The following HECTD4 variants were observed in gnomAD, a reference collection of about 807,000 sequenced individuals.
HECTD4 encodes the protein HECT domain E3 ubiquitin protein ligase 4, also known as probable E3 ubiquitin-protein ligase HECTD4.
A neutral mutation model predicts 471.5 loss-of-function variants in HECTD4; 114 were observed. The observed-to-expected ratio is 0.24, with a 90% confidence interval of 0.21 to 0.28. The LOEUF (loss-of-function observed/expected upper bound fraction) is 0.28, where lower values mean the gene tolerates loss of function less well. HECTD4 is among the 10% of genes least tolerant of loss of function. The probability of loss-of-function intolerance (pLI) is 1.00; values close to 1 mark genes in which losing one functional copy is unlikely to be tolerated. For missense variants in HECTD4, 3,866 were observed against 5,651.5 expected (o/e 0.68, Z 10.13); for synonymous variants, 2,012 against 2,256.0 (o/e 0.89, Z 3.07).
Position 112,184,831 on chromosome 12 carries a change from T to C in HECTD4, c.10135A>G (p.Ser3379Gly), listed in dbSNP as rs769152436. The C allele has an allele frequency of 6.2e-7, 1 of 1,608,470 alleles. No individual in the cohort carries two copies. Among genetic ancestry groups the C allele is most frequent in the Non-Finnish European group, 8.5e-7 (1 of 1,176,416 alleles). ...TGGCAGGCATCGGCGATGGCGTCAC[T>C]CGTCACGCCCAGCCCCTGTGGGTCC... ...RKDPQGLGVT[S>G]DAIADACQAL... is the part of the protein sequence containing the mutation. The change falls in exon 61 of 76, where the codon AGT becomes GGT. Residue 3379 changes from serine to glycine, a missense_variant. Around this residue, in one of 16 missense-constraint regions of HECTD4, gnomAD observed 71 missense variants for 144.5 expected, o/e 0.49. Coordinates refer to ENST00000682272, the MANE Select transcript of HECTD4 (RefSeq NM_001388303.1). This position sits in a 1 kb window ranked among gnomAD's most constrained non-coding sequence, Gnocchi z 9.1.
intron 7 of HECTD4, among the ~76,000 whole-genome samples, chr12:112,292,566 T>A (rs2034910412): frequency 6.6e-6 from 1 of 152,154 alleles, no homozygotes; most frequent in Admixed American, 6.5e-5. Flanking sequence ...AGAAGGCCCT[T>A]TGTAATGTAG....
At chr12:112,201,434 G>A in intron 54 of HECTD4, 3 of 153,526 alleles carry the variant, frequency 2.0e-5, no homozygotes, top group East Asian at 1.9e-4. Flanking sequence ...ATATAAATGT[G>A]AATTAATGAC....
chr12:112,185,150 G>A lies in HECTD4; in HGVS notation c.9816C>T (p.Asn3272=). 1 of 1,553,194 alleles carries A rather than the reference G, an allele frequency of 6.4e-7. No individual in the cohort carries two copies. The highest frequency in any genetic ancestry group is 1.2e-5 in the South Asian group (1 of 84,168). The change falls in exon 61 of 76, where the codon AAC becomes AAT. Residue 3272 remains asparagine, a synonymous_variant. Coordinates refer to ENST00000682272, the MANE Select transcript of HECTD4 (RefSeq NM_001388303.1). ...LAVAEVTLPT[N]MSVTASGVTS... is the part of the protein sequence containing the mutation. ...TCACCCCACTGGCTGTGACACTCAT[G>A]TTAGTAGGCAGGGTCACTTCGGCCA...
At chr12:112,349,958 C>CTT in intron 1 of HECTD4, among the ~76,000 whole-genome samples, 2 of 151,998 alleles carry the variant, frequency 1.3e-5, no homozygotes, top group South Asian at 4.2e-4. Context: ...TTTTCTTTTT[C>CTT]TTTTTCTTTT....
intron 65 of HECTD4, 43 bp downstream of exon 65, chr12:112,176,553 G>T: frequency 1.4e-6 from 2 of 1,391,400 alleles, no homozygotes; most frequent in South Asian, 1.2e-5. Context: ...CTCCAGGATG[G>T]AAGTAGGTCC....
chr12:112,193,479 G>A lies in HECTD4; in HGVS notation c.8945C>T (p.Ser2982Phe). 2 of 1,608,422 alleles carry A rather than the reference G, an allele frequency of 1.2e-6. No homozygotes were observed. Among genetic ancestry groups the A allele is most frequent in the Non-Finnish European group, 1.7e-6 (2 of 1,177,458 alleles). Reference protein sequence around the residue: ...SLLELTKQICSFLQTAPEQFP... With the variant: ...SLLELTKQICFFLQTAPEQFP... ...GCTTTAGACTTCTACCTGCAGGAAA[G>A]AGCAGATCTGTTTCGTCAGCTCTAA... The change falls in exon 57 of 76, where the codon TCT (serine) becomes TTT (phenylalanine). Residue 2982 changes from serine (S) to phenylalanine (F), a missense_variant. Transcript: ENST00000682272. The surrounding 1 kb of genome is among the most constrained non-coding windows in gnomAD (Gnocchi z 5.2).
rs1181653546 is a variant in HECTD4, at chr12:112,235,272, AGC to A, written c.5726-8_5726-7del. On this transcript the variant is annotated splice_polypyrimidine_tract_variant and splice_region_variant and intron_variant, in intron 36 of 75. Transcript: ENST00000682272. This position sits in a 1 kb window ranked among gnomAD's most constrained non-coding sequence, Gnocchi z 5.0. Reference sequence around the variant, plus strand: ...AGAAAGAACTGTCTGACATCCTTTAAGCAAAAAACAAAGCTCATTCAGGAAAA... The same window carrying A: ...AGAAAGAACTGTCTGACATCCTTTAAAAAAAACAAAGCTCATTCAGGAAAA... The A allele has an allele frequency of 6.2e-7, 1 of 1,604,944 alleles. No homozygotes were observed. Among genetic ancestry groups the A allele is most frequent in the Admixed American group, 1.7e-5 (1 of 57,870 alleles).
At chr12:112,296,143 G>A (rs1400750126) in intron 7 of HECTD4, among the ~76,000 whole-genome samples, 3 of 152,160 alleles carry the variant, frequency 2.0e-5, no homozygotes, top group Non-Finnish European at 4.4e-5. Flanking sequence ...AGAGGGTGTA[G>A]GTGCAGCAGG....
At chr12:112,210,849 C>G (rs766998423) in intron 49 of HECTD4, among the ~76,000 whole-genome samples, 1 of 152,222 alleles carries the variant, frequency 6.6e-6, no homozygotes, top group Non-Finnish European at 1.5e-5. Context: ...GTTTTGTTCA[C>G]TGCTATATAT....
intron 51 of HECTD4, among the ~76,000 whole-genome samples, 154 bp from the exon 52 acceptor site, chr12:112,208,154 C>T (rs1300006922): frequency 6.6e-6 from 1 of 152,198 alleles, no homozygotes; most frequent in Non-Finnish European, 1.5e-5. Context: ...GATACACCCC[C>T]AGATGCCAGG....
At chr12:112,190,720 T>C (rs1417369731) in intron 60 of HECTD4, 66 bp downstream of exon 60, 1 of 1,455,022 alleles carries the variant, frequency 6.9e-7, no homozygotes, top group African/African-American at 1.4e-5. Context: ...GGCAAGCTCC[T>C]TCCTCAGGCA....
chr12:112,376,471 C>G (rs527925273), intron 1 of HECTD4, among the ~76,000 whole-genome samples: 3 of 152,284 alleles, frequency 2.0e-5, no homozygotes, highest in East Asian at 3.9e-4. Context: ...TGGTCTCGAT[C>G]TCCTGACCTC....
At chr12:112,321,086 T>C (rs1303921076) in intron 1 of HECTD4, among the ~76,000 whole-genome samples, 1 of 152,086 alleles carries the variant, frequency 6.6e-6, no homozygotes, top group African/African-American at 2.4e-5. Context: ...TCAGGTGATC[T>C]GCCCACCTCG....
intron 50 of HECTD4, 32 bp downstream of exon 50, chr12:112,209,983 A>G (rs764720951): frequency 2.6e-6 from 4 of 1,536,136 alleles, no homozygotes; most frequent in Non-Finnish European, 3.6e-6. Context: ...TCAGGAAGCC[A>G]TGGAGGCAGT....
chr12:112,293,886 T>C (rs1398612942), intron 7 of HECTD4, among the ~76,000 whole-genome samples: 1 of 152,160 alleles, frequency 6.6e-6, no homozygotes, highest in Non-Finnish European at 1.5e-5. Context: ...AAGTTATCAA[T>C]ACTTAGTTTT....
At chr12:112,294,908 TC>T (rs2034970410) in intron 7 of HECTD4, among the ~76,000 whole-genome samples, 1 of 152,108 alleles carries the variant, frequency 6.6e-6, no homozygotes, top group Non-Finnish European at 1.5e-5. Flanking sequence ...CCAGTTGCCT[TC>T]CCCGGGGAAA....
intron 2 of HECTD4, among the ~76,000 whole-genome samples, chr12:112,317,214 T>C (rs926302762): frequency 2.0e-5 from 3 of 152,262 alleles, no homozygotes; most frequent in Non-Finnish European, 2.9e-5. Flanking sequence ...ACAAGGAAAC[T>C]TGTTTCAGTA....
chr12:112,331,982 T>C (rs1343919437), intron 1 of HECTD4, among the ~76,000 whole-genome samples: 1 of 152,104 alleles, frequency 6.6e-6, no homozygotes, highest in Non-Finnish European at 1.5e-5. Context: ...GAAGATGATT[T>C]GACTAATCTG....
In HECTD4 at chr12:112,228,842, C is replaced by G; in HGVS notation, c.6520-31G>C. The G allele has an allele frequency of 1.2e-6, 2 of 1,604,920 alleles. No homozygotes were observed. Among genetic ancestry groups the G allele is most frequent in the Non-Finnish European group, 1.7e-6 (2 of 1,175,754 alleles). ...GACAGACATAGATTAGCACTACCAA[C>G]CAGCTCTGACGTGTGGGCAGCTGTC... On this transcript the variant is annotated intron_variant, in intron 41 of 75. Coordinates refer to ENST00000682272, the MANE Select transcript of HECTD4 (RefSeq NM_001388303.1). This position sits in a 1 kb window ranked among gnomAD's most constrained non-coding sequence, Gnocchi z 4.9.
Sources: allele counts gnomAD v4.1 joint callset (sites outside exome capture counted in the v4.1 genomes callset), GRCh38; gene constraint gnomAD v4.1.1; regional missense constraint gnomAD v4.1.1; non-coding constraint Gnocchi (gnomAD v3.1); transcripts MANE v1.5; gene names NCBI Gene and HGNC (gene_info 2026-07-23, HGNC 2026-07-21).